The following SPIDR variants were observed in gnomAD, a reference collection of about 807,000 sequenced individuals.
The protein encoded by SPIDR is scaffold protein involved in DNA repair, also known as DNA repair-scaffolding protein.
Under a neutral mutation model 104.6 loss-of-function variants are expected in SPIDR, and 93 were observed. The ratio of observed to expected loss-of-function variants is 0.89; its 90% CI spans 0.75 to 1.06. The LOEUF is 1.06. Among genes scored for constraint, SPIDR ranks in the 50% least tolerant of loss-of-function variants. SPIDR has a pLI of 0.00. For missense variants in SPIDR, 1,154 were observed against 1,111.2 expected (o/e 1.04, Z -0.55); for synonymous variants, 431 against 416.9 (o/e 1.03, Z -0.41).
chr8:47,463,627 A>G (rs782634140), intron 8 of SPIDR, among the ~76,000 whole-genome samples: 46 of 152,300 alleles, frequency 3.0e-4, no homozygotes, highest in Admixed American at 1.6e-3. Flanking sequence ...CCTCAACAAC[A>G]TTCTAGCAAA....
At chr8:47,665,516 AC>A (rs2074790746) in intron 10 of SPIDR, among the ~76,000 whole-genome samples, 1 of 152,246 alleles carries the variant, frequency 6.6e-6, no homozygotes, top group Non-Finnish European at 1.5e-5. Flanking sequence ...CCTAATTCTT[AC>A]ATAAAATTTC....
intron 5 of SPIDR, among the ~76,000 whole-genome samples, chr8:47,345,448 T>A (rs892685783): frequency 6.6e-6 from 1 of 152,226 alleles, no homozygotes. Context: ...CAATGCGGGC[T>A]CTTTTTCGGT....
intron 18 of SPIDR, 71 bp from the exon 19 acceptor site, chr8:47,729,341 A>C (rs371648524): frequency 1.3e-6 from 2 of 1,536,832 alleles, no homozygotes; most frequent in Non-Finnish European, 1.8e-6. Context: ...AATTTTCGGG[A>C]ATGAGTGATT....
At chr8:47,284,908 G>A (rs895565863) in intron 3 of SPIDR, among the ~76,000 whole-genome samples, 57 of 152,242 alleles carry the variant, frequency 3.7e-4, no homozygotes, top group Non-Finnish European at 7.3e-5. Flanking sequence ...ATATCAGGTA[G>A]GCCGCTGGTT....
intron 8 of SPIDR, among the ~76,000 whole-genome samples, chr8:47,479,338 AAC>A (rs1354615307): frequency 6.6e-6 from 1 of 151,548 alleles, no homozygotes; most frequent in African/African-American, 2.4e-5. Context: ...CAGCCTGGGC[AAC>A]AGAGTGAGAC....
At chr8:47,264,626 G>C (rs1554545201) in intron 1 of SPIDR, among the ~76,000 whole-genome samples, 1 of 151,370 alleles carries the variant, frequency 6.6e-6, no homozygotes, top group African/African-American at 2.4e-5. Flanking sequence ...CTTGCCTTTT[G>C]AGATTTTCTT....
intron 10 of SPIDR, among the ~76,000 whole-genome samples, chr8:47,667,550 G>A (rs1051476466): frequency 8.0e-5 from 12 of 149,544 alleles, no homozygotes; most frequent in Admixed American, 8.0e-4. Flanking sequence ...GCAAACTAAT[G>A]ATCTAAGCCT....
At position 47,440,550 on chromosome 8, in the gene SPIDR, C is replaced by T. The variant is rs1218365957; in HGVS notation, c.1097+8C>T. On this transcript the variant is annotated splice_region_variant and intron_variant, in intron 8 of 19. Transcript: ENST00000297423. ...CCGGATCTTCCCTCCCTGGTGAGTG[C>T]GCAGAACTTAATCCAGCAGTCACCA... The T allele has an allele frequency of 8.1e-6, 13 of 1,607,140 alleles. No individual in the cohort carries two copies. The highest frequency in any genetic ancestry group is 1.7e-4 in the Middle Eastern group (1 of 5,894).
intron 10 of SPIDR, among the ~76,000 whole-genome samples, chr8:47,601,729 G>A (rs974157461): frequency 7.2e-5 from 11 of 152,148 alleles, no homozygotes; most frequent in Admixed American, 6.5e-5. Flanking sequence ...GAACCAAGCC[G>A]TGTTTAGATT....
intron 9 of SPIDR, among the ~76,000 whole-genome samples, 171 bp from the exon 10 acceptor site, chr8:47,598,775 C>T (rs1452512832): frequency 6.6e-6 from 1 of 152,172 alleles, no homozygotes; most frequent in Non-Finnish European, 1.5e-5. Context: ...GGCCCAGAGC[C>T]CCATGCCACA....
chr8:47,704,171 T>G (rs959798389), intron 14 of SPIDR, among the ~76,000 whole-genome samples: 2 of 152,168 alleles, frequency 1.3e-5, no homozygotes, highest in African/African-American at 2.4e-5. Context: ...GCACATAGAG[T>G]CTTGCCCACA....
intron 10 of SPIDR, among the ~76,000 whole-genome samples, chr8:47,631,305 CT>C (rs1217602984): frequency 6.6e-6 from 1 of 152,202 alleles, no homozygotes; most frequent in Non-Finnish European, 1.5e-5. Flanking sequence ...TAGTTGAAGA[CT>C]TTGCATTCTC....
chr8:47,330,673 T>C, intron 5 of SPIDR: 1 of 433,068 alleles, frequency 2.3e-6, no homozygotes. Flanking sequence ...CTCCATGTCT[T>C]TTCATAGCTT....
intron 11 of SPIDR, among the ~76,000 whole-genome samples, chr8:47,688,156 GTC>G (rs991943338): frequency 6.6e-6 from 1 of 151,972 alleles, no homozygotes; most frequent in African/African-American, 2.4e-5. Context: ...TTGAGACGGA[GTC>G]TCTCTCTGTT....
In SPIDR at chr8:47,522,199, A is replaced by G. The variant is rs376136422; in HGVS notation, c.1098-73612A>G. 3.2e-4 allele frequency among the ~76,000 whole-genome samples: 49 copies of G among 152,000 alleles called. No individual in the cohort carries two copies. The East Asian group carries it at 6.2e-3, about 19-fold the overall frequency. On this transcript the variant is annotated intron_variant, in intron 8 of 19. Coordinates refer to ENST00000297423, the MANE Select transcript of SPIDR (RefSeq NM_001080394.4). Reference sequence around the variant, plus strand: ...AAAAAAAAAAAAAAAGAAAAGAAAAAAAGAAACATGAATGAGCAGGAGAAA... The same window carrying G: ...AAAAAAAAAAAAAAAGAAAAGAAAAGAAGAAACATGAATGAGCAGGAGAAA...
At chr8:47,597,524 G>A (rs980910663) in intron 9 of SPIDR, among the ~76,000 whole-genome samples, 2 of 152,058 alleles carry the variant, frequency 1.3e-5, no homozygotes, top group East Asian at 1.9e-4. Flanking sequence ...ATGAGACCAC[G>A]GTCAAACATG....
rs535099690 is a variant in SPIDR, at chr8:47,404,186, A to G, written c.777-3675A>G. ...AAACTGGATCCCTTCCTTACACCTTATACAAAAATTAATTCAAGATGGATT... is the reference window on the plus strand; with the variant it reads ...AAACTGGATCCCTTCCTTACACCTTGTACAAAAATTAATTCAAGATGGATT... On this transcript the variant is annotated intron_variant, in intron 6 of 19. Coordinates refer to ENST00000297423, the MANE Select transcript of SPIDR (RefSeq NM_001080394.4). Among the ~76,000 whole-genome samples the G allele has an allele frequency of 5.3e-4, 80 of 152,358 alleles. 1 individual carries two copies. The South Asian group carries it at 0.014, about 26-fold the overall frequency.
At chr8:47,299,910 C>G (rs1439930404) in intron 5 of SPIDR, among the ~76,000 whole-genome samples, 16 of 152,110 alleles carry the variant, frequency 1.1e-4, no homozygotes, top group Admixed American at 2.0e-4. Context: ...GTCTAAAATT[C>G]TCTTTTTTGG....
intron 14 of SPIDR, among the ~76,000 whole-genome samples, chr8:47,702,668 A>G (rs1189521083): frequency 6.6e-6 from 1 of 152,200 alleles, no homozygotes; most frequent in Non-Finnish European, 1.5e-5. Flanking sequence ...TTATGGAGGA[A>G]TATCCATGTA....
Sources: gnomAD v4.1 joint callset for allele counts (sites outside exome capture counted in the v4.1 genomes callset) on GRCh38, gnomAD v4.1.1 for gene constraint, MANE v1.5 for transcripts, NCBI Gene and HGNC (gene_info 2026-07-23, HGNC 2026-07-21) for gene names.